CTNNBL1: variants seen among roughly 807,000 people sequenced by gnomAD.
CTNNBL1 encodes catenin beta like 1, also known as beta-catenin-like protein 1.
CTNNBL1 carries 31 observed loss-of-function variants against 72.7 expected under a neutral mutation model. The ratio of observed to expected loss-of-function variants is 0.43; its 90% confidence interval spans 0.32 to 0.58. CTNNBL1 has a LOEUF of 0.58. Ranked by LOEUF, CTNNBL1 falls within the 20% of genes least tolerant of loss-of-function variation. The pLI, the probability that CTNNBL1 is intolerant of heterozygous loss-of-function variation, is 0.08. For synonymous variants in CTNNBL1, 240 were observed against 267.3 expected (o/e 0.90, Z 1.00); for missense variants, 534 against 725.1 (o/e 0.74, Z 3.03).
chr20:37,857,019 G>A (rs560719102), intron 13 of CTNNBL1, among the ~76,000 whole-genome samples: 6 of 152,256 alleles, frequency 3.9e-5, no homozygotes, highest in South Asian at 2.1e-4. Flanking sequence ...TGGGGAATCC[G>A]TTTTCTAGCA....
chr20:37,871,948 G>T lies in CTNNBL1; in HGVS notation c.1627G>T (p.Gly543Cys). ...AGAGTATGCAGAGAACATCGGGGAC[G>T]GCCGGAGCCCGGAGTTCCGGGAGAA... ...IKEYAENIGD[G>C]RSPEFRENEQ... The change falls in exon 16 of 16, where the codon GGC becomes TGC. Residue 543 changes from glycine to cysteine, a missense_variant. Transcript: ENST00000361383. The T allele has an allele frequency of 6.2e-7, 1 of 1,614,080 alleles. No homozygotes were observed. Among genetic ancestry groups the T allele is most frequent in the South Asian group, 1.1e-5 (1 of 91,076 alleles).
intron 11 of CTNNBL1, among the ~76,000 whole-genome samples, 157 bp downstream of exon 11, chr20:37,803,205 C>A (rs1446650580): frequency 1.3e-5 from 2 of 152,156 alleles, no homozygotes; most frequent in African/African-American, 4.8e-5. Context: ...GAAAAAGAGA[C>A]CCCAGGTCAC....
intron 6 of CTNNBL1, 62 bp downstream of exon 6, chr20:37,765,352 T>C: frequency 9.4e-7 from 1 of 1,058,226 alleles, no homozygotes; most frequent in Non-Finnish European, 1.4e-6. Flanking sequence ...GACTCTGTGC[T>C]CATTTCCCTT....
At chr20:37,782,028 T>C (rs2073629852) in intron 10 of CTNNBL1, among the ~76,000 whole-genome samples, 1 of 152,286 alleles carries the variant, frequency 6.6e-6, no homozygotes, top group South Asian at 2.1e-4. Flanking sequence ...AAACCGGCAC[T>C]AATAATACCA....
At chr20:37,708,413 C>CT (rs1296893936) in intron 1 of CTNNBL1, among the ~76,000 whole-genome samples, 2 of 152,138 alleles carry the variant, frequency 1.3e-5, no homozygotes, top group African/African-American at 4.8e-5. Context: ...CTCAAGTGAT[C>CT]TGCCCACCTC....
At chr20:37,823,490 C>A (rs2072129854) in intron 11 of CTNNBL1, among the ~76,000 whole-genome samples, 1 of 152,148 alleles carries the variant, frequency 6.6e-6, no homozygotes, top group Non-Finnish European at 1.5e-5. Flanking sequence ...GGTGAGGCTG[C>A]AGTAGCTTCA....
At chr20:37,697,680 GGTTGTGGGCCAA>G (rs2072805929) in intron 1 of CTNNBL1, among the ~76,000 whole-genome samples, 1 of 152,216 alleles carries the variant, frequency 6.6e-6, no homozygotes. Context: ...ACTCACCTGA[GGTTGTGGGCCAA>G]GATGGTGGCC....
At chr20:37,804,753 C>T (rs1373311927) in intron 11 of CTNNBL1, among the ~76,000 whole-genome samples, 2 of 152,218 alleles carry the variant, frequency 1.3e-5, no homozygotes, top group East Asian at 1.9e-4. Flanking sequence ...TCCTGCTCTG[C>T]GGTCATGGCA....
rs2072130804 is a variant in CTNNBL1, at chr20:37,823,629, G to A, written c.1214-16473G>A. Among the ~76,000 whole-genome samples the A allele has an allele frequency of 2.0e-5, 3 of 152,202 alleles. No homozygotes were observed. In the South Asian group the frequency reaches 6.2e-4, roughly 32 times the overall value. ...GGTAGGTTTAGATCATTGCTGGAAG[G>A]CCCTGGAAACAGGCCCCCTCCCCCA... is the stretch of plus-strand genomic sequence containing the variant. On this transcript the variant is annotated intron_variant, in intron 11 of 15. Coordinates refer to ENST00000361383, the MANE Select transcript of CTNNBL1 (RefSeq NM_030877.5).
chr20:37,731,121 T>C (rs2073124285), intron 1 of CTNNBL1, among the ~76,000 whole-genome samples: 1 of 152,220 alleles, frequency 6.6e-6, no homozygotes, highest in Non-Finnish European at 1.5e-5. Flanking sequence ...ACTTTTTCTG[T>C]AGTGAAAATA....
chr20:37,779,358 C>G (rs763194765), intron 10 of CTNNBL1, 23 bp downstream of exon 10: 1 of 1,608,078 alleles, frequency 6.2e-7, no homozygotes. Context: ...TGCCCTAGTT[C>G]TCCCACCTTT....
chr20:37,759,198 AAAG>A (rs2073392942), intron 5 of CTNNBL1, among the ~76,000 whole-genome samples: 1 of 152,218 alleles, frequency 6.6e-6, no homozygotes, highest in Non-Finnish European at 1.5e-5. Flanking sequence ...CACTGTGCAG[AAAG>A]AAGAGGATGA....
chr20:37,821,910 T>C (rs2072111551), intron 11 of CTNNBL1, among the ~76,000 whole-genome samples: 1 of 151,830 alleles, frequency 6.6e-6, no homozygotes, highest in African/African-American at 2.4e-5. Flanking sequence ...GCAGAATATC[T>C]CAAACAGTGG....
At chr20:37,699,255 G>C (rs538873977) in intron 1 of CTNNBL1, among the ~76,000 whole-genome samples, 1 of 152,340 alleles carries the variant, frequency 6.6e-6, no homozygotes, top group African/African-American at 2.4e-5. Context: ...GTAGAGGCAA[G>C]TCCAGGGTAC....
intron 5 of CTNNBL1, among the ~76,000 whole-genome samples, chr20:37,759,918 T>C (rs16986924): frequency 0.037 from 5,656 of 152,306 alleles, 323 homozygotes; most frequent in African/African-American, 0.13. Context: ...GGCCTAGAAT[T>C]GCACGAGCAG....
chr20:37,727,879 A>T (rs540965206), intron 1 of CTNNBL1, among the ~76,000 whole-genome samples: 2 of 152,212 alleles, frequency 1.3e-5, no homozygotes, highest in South Asian at 2.1e-4. Context: ...CCTGCTTACA[A>T]TTCTTGTTTT....
At chr20:37,832,090 C>A (rs1266875095) in intron 11 of CTNNBL1, among the ~76,000 whole-genome samples, 1 of 152,194 alleles carries the variant, frequency 6.6e-6, no homozygotes, top group African/African-American at 2.4e-5. Context: ...TTATAGCCAG[C>A]GACACACAAG....
At chr20:37,858,631 T>G (rs1262596918) in intron 13 of CTNNBL1, among the ~76,000 whole-genome samples, 2 of 152,174 alleles carry the variant, frequency 1.3e-5, no homozygotes, top group African/African-American at 4.8e-5. Context: ...AAAAATTGAT[T>G]GCACAACTCA....
At chr20:37,738,564 C>A (rs371387014) in intron 3 of CTNNBL1, among the ~76,000 whole-genome samples, 1 of 152,168 alleles carries the variant, frequency 6.6e-6, no homozygotes, top group African/African-American at 2.4e-5. Flanking sequence ...TTTAATGAAT[C>A]TTAATATGCC....
Sources: gnomAD v4.1 joint callset for allele counts (sites outside exome capture counted in the v4.1 genomes callset) on GRCh38, gnomAD v4.1.1 for gene constraint, MANE v1.5 for transcripts, NCBI Gene and HGNC (gene_info 2026-07-23, HGNC 2026-07-21) for gene names.